FCF1: variants seen among roughly 807,000 people sequenced by gnomAD.
FCF1 encodes the protein FCF1 rRNA-processing protein.
In FCF1, 17 loss-of-function variants were observed where a neutral mutation model predicts 32.5. That is an observed-to-expected ratio of 0.52 (90% CI 0.36 to 0.78). FCF1 has a LOEUF of 0.78. FCF1 is among the 30% of genes least tolerant of loss of function. The pLI is 0.00. For synonymous variants in FCF1, 84 were observed against 78.4 expected, an observed-to-expected ratio of 1.07 and a Z score of -0.38; for missense variants, 201 against 241.1, an observed-to-expected ratio of 0.83 and a Z score of 1.10.
intron 4 of FCF1, among the ~76,000 whole-genome samples, chr14:74,722,386 T>C (rs1205748718): frequency 6.6e-6 from 1 of 152,156 alleles, no homozygotes; most frequent in African/African-American, 2.4e-5. Flanking sequence ...TTTGCCACTC[T>C]TCTAGGTGCC....
intron 4 of FCF1, among the ~76,000 whole-genome samples, chr14:74,720,673 G>T (rs1402574052): frequency 6.6e-6 from 1 of 151,974 alleles, no homozygotes; most frequent in African/African-American, 2.4e-5. Flanking sequence ...TTTGAGTCAA[G>T]GTCTTGCTAT....
rs1274606645 is a variant in FCF1 at position 74,714,519 on chromosome 14, A to C, written c.72-353A>C. 3.9e-5 allele frequency among the ~76,000 whole-genome samples: 6 copies of C among 152,206 alleles called. No individual in the cohort carries two copies. The East Asian group carries it at 1.2e-3, about 29-fold the overall frequency. ...TTTCCCCCAAAAGTTAAAGCATCTG[A>C]ATCTTCAGAAGATAACTGTCACCCT... On this transcript the variant is annotated intron_variant, in intron 2 of 7. Coordinates refer to ENST00000341162, the MANE Select transcript of FCF1 (RefSeq NM_015962.5).
chr14:74,716,888 C>T (rs2090428282), intron 4 of FCF1, among the ~76,000 whole-genome samples: 1 of 152,070 alleles, frequency 6.6e-6, no homozygotes. Flanking sequence ...GTTTTAAAGG[C>T]TACTATATAA....
chr14:74,722,796 A>C (rs1242860243), intron 4 of FCF1, among the ~76,000 whole-genome samples: 1 of 151,320 alleles, frequency 6.6e-6, no homozygotes, highest in African/African-American at 2.4e-5. Flanking sequence ...TTTTTTAATT[A>C]GCTGGGCATA....
In FCF1 at chr14:74,714,920, C is replaced by G; in HGVS notation, c.120C>G (p.Pro40=). 1 of 1,597,692 alleles carries G rather than the reference C, an allele frequency of 6.3e-7. No homozygotes were observed. The highest frequency in any genetic ancestry group is 1.4e-5 in the African/African-American group (1 of 74,034). ...LKPKKKEKKD[P]SALKEREVPQ... is the part of the protein sequence containing the mutation. ...CTAAAAAGAAAGAAAAGAAGGATCCCAGCGCATTAAAGGAAAGAGAAGTGT... is the reference window on the plus strand; with the variant it reads ...CTAAAAAGAAAGAAAAGAAGGATCCGAGCGCATTAAAGGAAAGAGAAGTGT... The change falls in exon 3 of 8, where the codon CCC becomes CCG. Residue 40 remains proline (P), a synonymous_variant. Transcript: ENST00000341162.
chr14:74,716,649 G>C (rs2090425188), intron 4 of FCF1, among the ~76,000 whole-genome samples: 1 of 152,108 alleles, frequency 6.6e-6, no homozygotes, highest in African/African-American at 2.4e-5. Flanking sequence ...TTGTGTATTT[G>C]TATATCCCCT....
At chr14:74,726,763 C>A (rs1164216281) in intron 5 of FCF1, among the ~76,000 whole-genome samples, 1 of 151,918 alleles carries the variant, frequency 6.6e-6, no homozygotes, top group Admixed American at 6.6e-5. Context: ...CTCCTCCCCC[C>A]ACCCCACAAC....
At chr14:74,732,144 T>C (rs2090645839) in intron 5 of FCF1, among the ~76,000 whole-genome samples, 1 of 145,362 alleles carries the variant, frequency 6.9e-6, no homozygotes, top group Non-Finnish European at 1.5e-5. Flanking sequence ...ATTTTATTAA[T>C]TAAATCATAT....
chr14:74,713,981 A>G (rs1245122404), intron 2 of FCF1, among the ~76,000 whole-genome samples: 2 of 152,238 alleles, frequency 1.3e-5, no homozygotes, highest in Admixed American at 6.5e-5. Context: ...TTGTCAGAGA[A>G]AATGGGAAAA....
chr14:74,728,020 T>G (rs2090595173), intron 5 of FCF1, among the ~76,000 whole-genome samples: 1 of 152,192 alleles, frequency 6.6e-6, no homozygotes, highest in African/African-American at 2.4e-5. Flanking sequence ...TGTAGTATAG[T>G]TTGAAGTCAG....
In FCF1 at chr14:74,737,578, C is replaced by T. The variant is rs1241637938; in HGVS notation, c.*2648C>T. 2 of 152,000 alleles carry T rather than the reference C, an allele frequency of 1.3e-5. No homozygotes were observed. The allele number at this position is 152,000 out of a possible 1,614,324, so 9.4% of individuals were successfully genotyped here. On this transcript the variant is annotated 3_prime_UTR_variant, in exon 8 of 8. Transcript: ENST00000341162. ...TGTTTCCTCTTTAAAGTGTTTAATCCGCAAAACAAACCTGATAAAGTGAGA... is the reference window on the plus strand; with the variant it reads ...TGTTTCCTCTTTAAAGTGTTTAATCTGCAAAACAAACCTGATAAAGTGAGA...
intron 1 of FCF1, 38 bp downstream of exon 1, chr14:74,713,238 C>T (rs1477172271): frequency 3.1e-6 from 5 of 1,614,066 alleles, no homozygotes; most frequent in African/African-American, 1.3e-5. Context: ...GTTATCAGGC[C>T]ACTTTTTGGG....
At chr14:74,721,852 G>A (rs2090508410) in intron 4 of FCF1, among the ~76,000 whole-genome samples, 2 of 152,144 alleles carry the variant, frequency 1.3e-5, no homozygotes, top group African/African-American at 4.8e-5. Context: ...TAACAAGTCT[G>A]TAGTAAATAT....
At position 74,735,463 on chromosome 14, in the gene FCF1, A is replaced by G. The variant is rs998688180; in HGVS notation, c.*533A>G. The G allele has an allele frequency of 6.6e-6, 1 of 152,602 alleles. No individual in the cohort carries two copies. Among genetic ancestry groups the G allele is most frequent in the Non-Finnish European group, 1.5e-5 (1 of 68,400 alleles). 9.5% of individuals were successfully genotyped at this position (152,602 alleles called of 1,614,324 possible). ...TACATGCAACTGAATTTCTGCTTAC[A>G]CATTTTTAAATTTCTTTTAATTGCT... On this transcript the variant is annotated 3_prime_UTR_variant, in exon 8 of 8. Coordinates refer to ENST00000341162, the MANE Select transcript of FCF1 (RefSeq NM_015962.5).
intron 3 of FCF1, 152 bp from the exon 4 acceptor site, chr14:74,715,795 ACTTT>A: frequency 6.5e-7 from 1 of 1,543,338 alleles, no homozygotes; most frequent in Non-Finnish European, 8.8e-7. Context: ...TAATGATATT[ACTTT>A]CTTCCTTGCC....
At chr14:74,726,210 G>C (rs1369645781) in intron 5 of FCF1, among the ~76,000 whole-genome samples, 9 of 152,028 alleles carry the variant, frequency 5.9e-5, no homozygotes, top group Non-Finnish European at 1.3e-4. Flanking sequence ...CAGCAGTCAG[G>C]CACTGTGGCT....
Position 74,737,299 on chromosome 14 carries a change from G to C in FCF1, c.*2369G>C, listed in dbSNP as rs554614999. 1 of 152,256 alleles carries C rather than the reference G, an allele frequency of 6.6e-6. No individual in the cohort carries two copies. The highest frequency in any genetic ancestry group is 1.5e-5 in the Non-Finnish European group (1 of 68,176). 9.4% of individuals were successfully genotyped at this position (152,256 alleles called of 1,614,324 possible). ...GAACCCGGGAGGCAGAGGTTGCAAC[G>C]AGCCGAGATCACGCCACTGCACTCC... On this transcript the variant is annotated 3_prime_UTR_variant, in exon 8 of 8. Transcript: ENST00000341162.
intron 5 of FCF1, among the ~76,000 whole-genome samples, chr14:74,731,581 T>C (rs1312918101): frequency 6.6e-6 from 1 of 152,168 alleles, no homozygotes; most frequent in Non-Finnish European, 1.5e-5. Flanking sequence ...CTAGCCCCAT[T>C]TCATTCTTCT....
At chr14:74,719,513 C>T (rs1034046148) in intron 4 of FCF1, among the ~76,000 whole-genome samples, 4 of 152,000 alleles carry the variant, frequency 2.6e-5, no homozygotes, top group African/African-American at 7.3e-5. Context: ...GTAATCCCAA[C>T]GCTTTGGGAG....
Sources: gnomAD v4.1 joint callset for allele counts (sites outside exome capture counted in the v4.1 genomes callset) on GRCh38, gnomAD v4.1.1 for gene constraint, MANE v1.5 for transcripts, NCBI Gene and HGNC (gene_info 2026-07-23, HGNC 2026-07-21) for gene names.